The following SHANK2 variants were observed in gnomAD, a reference collection of about 807,000 sequenced individuals.
The protein encoded by SHANK2 is SH3 and multiple ankyrin repeat domains 2.
A neutral mutation model predicts 133.7 loss-of-function variants in SHANK2; 43 were observed. That is an observed-to-expected ratio of 0.32 (90% CI 0.25 to 0.41). The LOEUF is 0.41. SHANK2 is among the 10% of genes least tolerant of loss of function. The pLI, the probability that SHANK2 is intolerant of heterozygous loss-of-function variation, is 1.00. For synonymous variants in SHANK2, 1,017 were observed against 952.8 expected (o/e 1.07, Z -1.24); for missense variants, 1,994 against 2,235.8 (o/e 0.89, Z 2.18).
chr11:71,216,155 AC>A (rs1209296764), intron 2 of SHANK2, among the ~76,000 whole-genome samples: 1 of 152,222 alleles, frequency 6.6e-6, no homozygotes, highest in African/African-American at 2.4e-5. Flanking sequence ...TCGCGTCCAC[AC>A]AAAAGCCTGT....
At chr11:70,760,986 G>A (rs1223420426) in intron 14 of SHANK2, among the ~76,000 whole-genome samples, 1 of 152,168 alleles carries the variant, frequency 6.6e-6, no homozygotes. Flanking sequence ...CAATGCCCAG[G>A]GGCAGTGGTG....
chr11:71,056,167 G>C (rs1950916761), intron 10 of SHANK2, among the ~76,000 whole-genome samples: 1 of 152,146 alleles, frequency 6.6e-6, no homozygotes, highest in Non-Finnish European at 1.5e-5. Flanking sequence ...GGCAGAGCCA[G>C]CATCTCCCAA....
intron 17 of SHANK2, among the ~76,000 whole-genome samples, chr11:70,645,913 T>C (rs1555008085): frequency 6.6e-6 from 1 of 152,130 alleles, no homozygotes; most frequent in Non-Finnish European, 1.5e-5. Context: ...TCCCTCATCA[T>C]CACCTGTGAT....
rs1298092558 is a variant in SHANK2 at position 70,500,771 on chromosome 11, C to T, written c.2288-181G>A. 4.8e-6 allele frequency: 4 copies of T among 827,740 alleles called. No individual in the cohort carries two copies. Among genetic ancestry groups the T allele is most frequent in the Non-Finnish European group, 8.2e-6 (4 of 486,186 alleles). 51.3% of individuals were successfully genotyped at this position (827,740 alleles called of 1,614,324 possible). On this transcript the variant is annotated intron_variant, in intron 20 of 25. Coordinates refer to ENST00000601538, the MANE Select transcript of SHANK2 (RefSeq NM_012309.5). The surrounding 1 kb of genome is among the most constrained non-coding windows in gnomAD (Gnocchi z 4.5). ...TGCGCTATCCATGGAGTGGCTTTCC[C>T]CAAACCTTGGCTGCCCGCACAACTC...
At chr11:70,661,946 T>G (rs543281037) in intron 15 of SHANK2, 1 of 790,694 alleles carries the variant, frequency 1.3e-6, no homozygotes, top group South Asian at 1.6e-5. Flanking sequence ...GAGTCATACA[T>G]GGTGGGGCGG....
At chr11:71,223,916 G>C (rs543615250) in intron 2 of SHANK2, among the ~76,000 whole-genome samples, 13 of 152,186 alleles carry the variant, frequency 8.5e-5, no homozygotes, top group African/African-American at 2.9e-4. Context: ...CAGAAGGATT[G>C]AGAAATTGCC....
chr11:70,776,445 C>T lies in SHANK2; in HGVS notation c.1777+21998G>A, dbSNP rs72935470. Among the ~76,000 whole-genome samples the T allele has an allele frequency of 2.3e-3, 352 of 152,270 alleles. 1 individual carries two copies. The highest frequency in any genetic ancestry group is 3.6e-3 in the Non-Finnish European group (246 of 68,018). On this transcript the variant is annotated intron_variant, in intron 14 of 25. Transcript: ENST00000601538. ...TAACACTCTCTAGGGGCCAAAGACTCGAAGACAACCTGGCCTGGGATGCCA... is the reference window on the plus strand; with the variant it reads ...TAACACTCTCTAGGGGCCAAAGACTTGAAGACAACCTGGCCTGGGATGCCA...
intron 10 of SHANK2, among the ~76,000 whole-genome samples, chr11:70,934,778 T>C (rs1472418935): frequency 6.6e-6 from 1 of 151,998 alleles, no homozygotes; most frequent in Non-Finnish European, 1.5e-5. Flanking sequence ...AAATCACGAG[T>C]GGCGTGATTT....
At chr11:70,868,161 A>G (rs1471096630) in intron 11 of SHANK2, among the ~76,000 whole-genome samples, 6 of 152,222 alleles carry the variant, frequency 3.9e-5, no homozygotes, top group Non-Finnish European at 7.3e-5. Context: ...TTTCTCGAGG[A>G]AGACTCCCTC....
At chr11:70,602,269 C>T (rs1487791949) in intron 17 of SHANK2, among the ~76,000 whole-genome samples, 1 of 152,210 alleles carries the variant, frequency 6.6e-6, no homozygotes. Context: ...CCAATTACAC[C>T]TCTTTTCTTA....
At chr11:70,621,569 A>G (rs1362882472) in intron 17 of SHANK2, among the ~76,000 whole-genome samples, 1 of 152,166 alleles carries the variant, frequency 6.6e-6, no homozygotes, top group Non-Finnish European at 1.5e-5. Flanking sequence ...GGGTGGAAGG[A>G]AGGAAGGAGA....
intron 13 of SHANK2, among the ~76,000 whole-genome samples, chr11:70,800,996 T>A (rs189264196): frequency 3.3e-5 from 5 of 152,342 alleles, no homozygotes; most frequent in African/African-American, 7.2e-5. Flanking sequence ...CTTAGCTATG[T>A]GATGCTTGGG....
chr11:71,084,353 T>C (rs1169048336), intron 8 of SHANK2, among the ~76,000 whole-genome samples: 1 of 152,142 alleles, frequency 6.6e-6, no homozygotes, highest in Non-Finnish European at 1.5e-5. Context: ...GGATGGGGCA[T>C]ATCCCCACTG....
At chr11:70,764,036 GA>G (rs1947053946) in intron 14 of SHANK2, among the ~76,000 whole-genome samples, 1 of 140,560 alleles carries the variant, frequency 7.1e-6, no homozygotes, top group Admixed American at 7.3e-5. Context: ...CAAACTATCT[GA>G]TTATTAAGTC....
intron 15 of SHANK2, among the ~76,000 whole-genome samples, chr11:70,665,000 A>G (rs1565226140): frequency 6.6e-6 from 1 of 152,300 alleles, no homozygotes; most frequent in East Asian, 1.9e-4. Flanking sequence ...GCACATGTTC[A>G]TAACTCCAAC....
intron 11 of SHANK2, among the ~76,000 whole-genome samples, chr11:70,831,928 A>G (rs569069683): frequency 6.6e-6 from 1 of 152,284 alleles, no homozygotes; most frequent in African/African-American, 2.4e-5. Flanking sequence ...GGCCGGTTGG[A>G]CACCCCCTGA....
intron 14 of SHANK2, among the ~76,000 whole-genome samples, chr11:70,723,079 T>C (rs1400703248): frequency 6.6e-6 from 1 of 152,226 alleles, no homozygotes; most frequent in Non-Finnish European, 1.5e-5. Flanking sequence ...AATATGCTCA[T>C]GGTCCTTGTG....
chr11:70,606,223 C>T (rs2060574802), intron 17 of SHANK2, among the ~76,000 whole-genome samples: 1 of 152,088 alleles, frequency 6.6e-6, no homozygotes, highest in African/African-American at 2.4e-5. Flanking sequence ...CTTCCCCCAC[C>T]TTTTCCACTG....
chr11:70,496,517 A>G (rs2058972988), intron 21 of SHANK2, among the ~76,000 whole-genome samples: 1 of 152,202 alleles, frequency 6.6e-6, no homozygotes, highest in African/African-American at 2.4e-5. Flanking sequence ...CCCAGGGTGA[A>G]GGAAAGGTGT....
Sources: allele counts gnomAD v4.1 joint callset (sites outside exome capture counted in the v4.1 genomes callset), GRCh38; gene constraint gnomAD v4.1.1; non-coding constraint Gnocchi (gnomAD v3.1); transcripts MANE v1.5; gene names NCBI Gene and HGNC (gene_info 2026-07-23, HGNC 2026-07-21).